The following NELL2 variants were observed in gnomAD, a reference collection of about 807,000 sequenced individuals.
NELL2 encodes neural EGFL like 2, also known as protein kinase C-binding protein NELL2.
A neutral mutation model predicts 109.6 loss-of-function variants in NELL2; 41 were observed. The ratio of observed to expected loss-of-function variants is 0.37; its 90% CI spans 0.29 to 0.49. The LOEUF is 0.49. Among genes scored for constraint, NELL2 ranks in the 20% least tolerant of loss-of-function variants. The pLI, the probability that NELL2 is intolerant of heterozygous loss-of-function variation, is 0.98. For synonymous variants in NELL2, 355 were observed against 344.7 expected (o/e 1.03, Z -0.33); for missense variants, 900 against 1,008.3 (o/e 0.89, Z 1.45).
chr12:44,716,391 C>T (rs1026772671), intron 9 of NELL2, among the ~76,000 whole-genome samples: 20 of 152,082 alleles, frequency 1.3e-4, no homozygotes, highest in African/African-American at 4.8e-4. Context: ...TTGCACTAAT[C>T]ATATGACTTA....
intron 2 of NELL2, among the ~76,000 whole-genome samples, chr12:44,821,720 A>G (rs1406268998): frequency 6.6e-6 from 1 of 151,326 alleles, no homozygotes. Context: ...AGTTTTCAGA[A>G]TTAATTTTTT....
chr12:44,875,654 C>G, intron 1 of NELL2, 161 bp downstream of exon 1: 3 of 1,568,396 alleles, frequency 1.9e-6, no homozygotes, highest in Admixed American at 2.0e-5. Flanking sequence ...AAGGCAAGCA[C>G]AGAAAAAAAA....
chr12:44,830,356 G>A (rs1943848494), intron 2 of NELL2, among the ~76,000 whole-genome samples: 1 of 152,014 alleles, frequency 6.6e-6, no homozygotes, highest in Admixed American at 6.6e-5. Context: ...CATCAATTTG[G>A]GGAGTTTGTT....
chr12:44,641,727 TGCTCTGTCATCCAG>T (rs1374342844), intron 13 of NELL2, among the ~76,000 whole-genome samples: 3 of 141,564 alleles, frequency 2.1e-5, no homozygotes, highest in Non-Finnish European at 4.6e-5. Context: ...GATGGAGTCT[TGCTCTGTCATCCAG>T]GCTGGAGTTC....
At chr12:44,894,205 A>G (rs1176366699) in intron 1 of NELL2, among the ~76,000 whole-genome samples, 2 of 152,202 alleles carry the variant, frequency 1.3e-5, no homozygotes, top group African/African-American at 2.4e-5. Flanking sequence ...CTTTACACAC[A>G]CTTTGAATGA....
Position 44,703,757 on chromosome 12 carries a change from C to T in NELL2, c.1287G>A (p.Arg429=), listed in dbSNP as rs200491518. 247 of 1,613,322 alleles carry T rather than the reference C, an allele frequency of 1.5e-4. No homozygotes were observed. Among genetic ancestry groups the T allele is most frequent in the Non-Finnish European group, 2.0e-4 (237 of 1,179,636 alleles). Residue 429 remains arginine (R), a synonymous_variant, in exon 12 of 20, where the codon AGG becomes AGA. Transcript: ENST00000429094. The part of the protein sequence containing the change: ...RAVCSCRDGF[R]ALREDNAYCE... ...AGTAGGCATTATCCTCTCGAAGAGCCCTAAAACCATCTCGACAGCTACAAA... is the reference window on the plus strand; with the variant it reads ...AGTAGGCATTATCCTCTCGAAGAGCTCTAAAACCATCTCGACAGCTACAAA...
rs772134790 is a variant in NELL2, at chr12:44,520,021, G to A, written c.2384C>T (p.Thr795Ile). The change falls in exon 19 of 20, where the codon ACT becomes ATT. Residue 795 changes from threonine (T) to isoleucine (I), a missense_variant. Thr to Ile is a moderately conservative substitution (Grantham distance 89). Coordinates refer to ENST00000429094, the MANE Select transcript of NELL2 (RefSeq NM_001145108.2). ...SSWIKHGTEC[T>I]LCQCKNGHIC... ...GGAGTTTACCTTGCACTGGCAGAGAGTACACTCAGTGCCATGTTTGATCCA... is the reference window on the plus strand; with the variant it reads ...GGAGTTTACCTTGCACTGGCAGAGAATACACTCAGTGCCATGTTTGATCCA... The A allele has an allele frequency of 3.3e-5, 53 of 1,614,056 alleles. 1 individual carries two copies. The South Asian group carries it at 3.8e-4, about 12-fold the overall frequency.
chr12:44,880,833 G>GTTC (rs1205582270), upstream of NELL2: 4 of 139,428 alleles, frequency 2.9e-5, no homozygotes, highest in African/African-American at 1.1e-4. Flanking sequence ...TCTTTGTTTT[G>GTTC]TTCTTGTTGT....
chr12:44,555,826 T>C (rs1385810988), intron 15 of NELL2, among the ~76,000 whole-genome samples: 2 of 152,168 alleles, frequency 1.3e-5, no homozygotes, highest in Non-Finnish European at 2.9e-5. Flanking sequence ...TAACATAATA[T>C]TTATCTTTCA....
chr12:44,675,615 T>G (rs904563152), intron 12 of NELL2, among the ~76,000 whole-genome samples: 1 of 152,142 alleles, frequency 6.6e-6, no homozygotes, highest in Non-Finnish European at 1.5e-5. Context: ...TTAGAAATCA[T>G]CTAACCCCAG....
chr12:44,665,292 T>C, intron 13 of NELL2, 192 bp downstream of exon 13: 1 of 406,828 alleles, frequency 2.5e-6, no homozygotes, highest in Non-Finnish European at 4.3e-6. Context: ...GAGTATATAT[T>C]TATCCAGAGC....
chr12:44,566,090 G>T (rs1471322712), intron 15 of NELL2, among the ~76,000 whole-genome samples: 1 of 152,148 alleles, frequency 6.6e-6, no homozygotes, highest in Non-Finnish European at 1.5e-5. Context: ...TGATAAGAAT[G>T]GTTGCAGTCA....
At chr12:44,917,337 C>A (rs1203093772), upstream of NELL2, among the ~76,000 whole-genome samples, 2 of 152,234 alleles carry the variant, frequency 1.3e-5, no homozygotes, top group Non-Finnish European at 2.9e-5. Context: ...CCCAGCCCAA[C>A]CACTTCCTAA....
intron 1 of NELL2, among the ~76,000 whole-genome samples, chr12:44,896,375 T>C (rs1945592761): frequency 6.6e-6 from 1 of 152,170 alleles, no homozygotes; most frequent in Non-Finnish European, 1.5e-5. Context: ...ATTTCTAACA[T>C]CTCCAACTAT....
At chr12:44,855,716 C>T (rs188792839) in intron 2 of NELL2, among the ~76,000 whole-genome samples, 3 of 152,138 alleles carry the variant, frequency 2.0e-5, no homozygotes, top group South Asian at 2.1e-4. Context: ...ATGTTGAATT[C>T]GCAATACTTC....
At chr12:44,669,854 A>T (rs564906033) in intron 12 of NELL2, among the ~76,000 whole-genome samples, 1 of 152,300 alleles carries the variant, frequency 6.6e-6, no homozygotes, top group Admixed American at 6.5e-5. Context: ...TTAACAAACA[A>T]CAGCTGAAAG....
intron 12 of NELL2, among the ~76,000 whole-genome samples, chr12:44,682,361 T>A (rs1948543241): frequency 1.3e-5 from 2 of 151,598 alleles, no homozygotes. Flanking sequence ...TCTCCCATTT[T>A]GTGGGTTGCC....
chr12:44,517,348 C>G (rs1941315671), intron 19 of NELL2, among the ~76,000 whole-genome samples: 1 of 149,448 alleles, frequency 6.7e-6, no homozygotes, highest in African/African-American at 2.5e-5. Context: ...TTACAAATGT[C>G]TGGTACCTAC....
intron 1 of NELL2, among the ~76,000 whole-genome samples, chr12:44,891,900 T>C (rs562553903): frequency 6.6e-6 from 1 of 152,384 alleles, no homozygotes; most frequent in East Asian, 1.9e-4. Context: ...GTTTTGCTAA[T>C]TATGCAAATA....
Sources: gnomAD v4.1 joint callset for allele counts (sites outside exome capture counted in the v4.1 genomes callset) on GRCh38, gnomAD v4.1.1 for gene constraint, MANE v1.5 for transcripts, NCBI Gene and HGNC (gene_info 2026-07-23, HGNC 2026-07-21) for gene names.